THADA: variants seen among roughly 807,000 people sequenced by gnomAD.
THADA encodes THADA armadillo repeat containing, also known as tRNA (32-2'-O)-methyltransferase regulator THADA.
Under a neutral mutation model 219.8 loss-of-function variants are expected in THADA, and 213 were observed. The observed-to-expected ratio is 0.97, with a 90% confidence interval of 0.87 to 1.09. The LOEUF is 1.09. Ranked by LOEUF, THADA falls within the 50% of genes least tolerant of loss-of-function variation. THADA has a pLI of 0.00. For synonymous variants in THADA, 1,018 were observed against 828.9 expected, an observed-to-expected ratio of 1.23 and a Z score of -3.92; for missense variants, 2,956 against 2,311.3, an observed-to-expected ratio of 1.28 and a Z score of -5.72.
intron 34 of THADA, among the ~76,000 whole-genome samples, chr2:43,288,245 C>G (rs959913816): frequency 6.6e-6 from 1 of 152,196 alleles, no homozygotes; most frequent in Non-Finnish European, 1.5e-5. Flanking sequence ...ATGGTGAAAC[C>G]CTGTCTCTAC....
chr2:43,241,131 G>A (rs1043578273), intron 36 of THADA, among the ~76,000 whole-genome samples: 3 of 151,842 alleles, frequency 2.0e-5, no homozygotes, highest in South Asian at 4.2e-4. Flanking sequence ...TCACTCTGTC[G>A]CCCAGGCTAG....
chr2:43,264,466 G>A (rs1432740552), intron 36 of THADA, among the ~76,000 whole-genome samples: 1 of 151,870 alleles, frequency 6.6e-6, no homozygotes, highest in Admixed American at 6.6e-5. Flanking sequence ...TGTATTTTTA[G>A]TAGAGACGGG....
chr2:43,541,435 T>A, intron 20 of THADA, 119 bp from the exon 21 acceptor site: 1 of 1,127,864 alleles, frequency 8.9e-7, no homozygotes, highest in Non-Finnish European at 1.3e-6. Context: ...CGATTTGTCA[T>A]GTTATATTTA....
chr2:43,304,074 G>C (rs933185122), intron 31 of THADA, among the ~76,000 whole-genome samples: 6 of 152,102 alleles, frequency 3.9e-5, no homozygotes, highest in Non-Finnish European at 8.8e-5. Context: ...ATTTGTTTTT[G>C]TACACCATGG....
intron 26 of THADA, among the ~76,000 whole-genome samples, chr2:43,432,880 C>CAT (rs1679552042): frequency 6.6e-6 from 1 of 152,154 alleles, no homozygotes; most frequent in Non-Finnish European, 1.5e-5. Flanking sequence ...TTTCCTTGGT[C>CAT]ATATATATGC....
intron 22 of THADA, among the ~76,000 whole-genome samples, chr2:43,524,368 A>G (rs1207347720): frequency 2.0e-5 from 3 of 152,226 alleles, no homozygotes; most frequent in African/African-American, 7.2e-5. Context: ...AAACCAATTC[A>G]AACAATGTGG....
chr2:43,530,853 C>T (rs965054953), intron 21 of THADA, among the ~76,000 whole-genome samples: 2 of 150,484 alleles, frequency 1.3e-5, no homozygotes, highest in African/African-American at 4.9e-5. Context: ...TGGACCTCAA[C>T]CCTAGGTATT....
At chr2:43,356,540 C>A (rs1318160361) in intron 29 of THADA, among the ~76,000 whole-genome samples, 1 of 152,106 alleles carries the variant, frequency 6.6e-6, no homozygotes, top group Non-Finnish European at 1.5e-5. Flanking sequence ...CCCTAAGGAA[C>A]AAAATTTGCA....
At chr2:43,499,026 T>C (rs1558860728) in intron 24 of THADA, 71 bp from the exon 25 acceptor site, 4 of 1,442,786 alleles carry the variant, frequency 2.8e-6, no homozygotes, top group African/African-American at 1.4e-5. Flanking sequence ...ACATATCCAA[T>C]AGTACAGCTT....
chr2:43,322,358 G>A (rs1678814929), intron 30 of THADA, among the ~76,000 whole-genome samples: 1 of 151,806 alleles, frequency 6.6e-6, no homozygotes, highest in African/African-American at 2.4e-5. Context: ...ACAAAAATGA[G>A]CCGGGCAGGG....
intron 36 of THADA, among the ~76,000 whole-genome samples, chr2:43,236,938 G>T (rs903637714): frequency 4.0e-5 from 6 of 151,578 alleles, no homozygotes; most frequent in African/African-American, 1.5e-4. Flanking sequence ...CAGGCATGGT[G>T]GTGGGCGCCT....
At chr2:43,472,914 G>C (rs1685076172) in intron 26 of THADA, among the ~76,000 whole-genome samples, 1 of 151,922 alleles carries the variant, frequency 6.6e-6, no homozygotes, top group Non-Finnish European at 1.5e-5. Context: ...TGCTATAAGA[G>C]ATAAAAAAAA....
intron 24 of THADA, among the ~76,000 whole-genome samples, chr2:43,501,057 G>C (rs1407884612): frequency 6.6e-6 from 1 of 151,948 alleles, no homozygotes. Context: ...TGTGATCCCA[G>C]CACTTTGGGA....
intron 25 of THADA, 75 bp from the exon 26 acceptor site, chr2:43,485,400 G>A: frequency 1.9e-6 from 2 of 1,046,450 alleles, no homozygotes; most frequent in Admixed American, 2.0e-5. Flanking sequence ...GTTCAAACTA[G>A]ATAATTCAAA....
intron 36 of THADA, among the ~76,000 whole-genome samples, chr2:43,254,451 T>C (rs945931713): frequency 1.1e-4 from 17 of 152,134 alleles, no homozygotes; most frequent in African/African-American, 3.1e-4. Flanking sequence ...GTGGGCTGCA[T>C]TGGACATTCT....
At chr2:43,469,985 C>T (rs981376497) in intron 26 of THADA, among the ~76,000 whole-genome samples, 9 of 151,868 alleles carry the variant, frequency 5.9e-5, no homozygotes, top group African/African-American at 2.2e-4. Flanking sequence ...CTGAGGCAGG[C>T]AGATCACTTG....
At chr2:43,307,729 A>G (rs1054122522) in intron 31 of THADA, among the ~76,000 whole-genome samples, 1 of 151,384 alleles carries the variant, frequency 6.6e-6, no homozygotes, top group Non-Finnish European at 1.5e-5. Flanking sequence ...ACAAAGTCCA[A>G]CACTTTAAAG....
At chr2:43,586,775 C>T in intron 5 of THADA, 41 bp from the exon 6 acceptor site, 4 of 1,610,330 alleles carry the variant, frequency 2.5e-6, no homozygotes, top group Non-Finnish European at 3.4e-6. Flanking sequence ...AGTTTCACGA[C>T]CAAAATCAAT....
intron 29 of THADA, among the ~76,000 whole-genome samples, chr2:43,363,893 C>T (rs1669805589): frequency 6.6e-6 from 1 of 152,114 alleles, no homozygotes; most frequent in Admixed American, 6.5e-5. Flanking sequence ...CCATTGCACT[C>T]AAGCCTCATA....
Sources: allele counts gnomAD v4.1 joint callset (sites outside exome capture counted in the v4.1 genomes callset), GRCh38; gene constraint gnomAD v4.1.1; transcripts MANE v1.5; gene names NCBI Gene and HGNC (gene_info 2026-07-23, HGNC 2026-07-21).